ARHGAP24: variants seen among roughly 807,000 people sequenced by gnomAD.
ARHGAP24 encodes the protein Rho GTPase activating protein 24, also known as rho GTPase-activating protein 24.
Under a neutral mutation model 76.4 loss-of-function variants are expected in ARHGAP24, and 50 were observed. The observed-to-expected ratio is 0.65, with a 90% CI of 0.52 to 0.83. The LOEUF (loss-of-function observed/expected upper bound fraction) is 0.83, where lower values mean the gene tolerates loss of function less well. ARHGAP24 is among the 40% of genes least tolerant of loss of function. ARHGAP24 has a pLI of 0.00. For missense variants in ARHGAP24, 930 were observed against 914.2 expected (o/e 1.02, Z -0.22); for synonymous variants, 345 against 323.3 (o/e 1.07, Z -0.72).
chr4:85,807,652 A>C (rs912113642), intron 3 of ARHGAP24, among the ~76,000 whole-genome samples: 1 of 152,142 alleles, frequency 6.6e-6, no homozygotes, highest in African/African-American at 2.4e-5. Context: ...CAAGCCACAT[A>C]CTATCCTGAT....
At chr4:85,648,395 T>A (rs894887400) in intron 2 of ARHGAP24, among the ~76,000 whole-genome samples, 1 of 152,144 alleles carries the variant, frequency 6.6e-6, no homozygotes, top group African/African-American at 2.4e-5. Flanking sequence ...GGCACATCAG[T>A]TACTTAAAAC....
intron 2 of ARHGAP24, among the ~76,000 whole-genome samples, chr4:85,662,993 T>A (rs1461933653): frequency 6.6e-6 from 1 of 151,674 alleles, no homozygotes; most frequent in African/African-American, 2.4e-5. Context: ...ATTGACTTGG[T>A]GATGCGGGCT....
intron 3 of ARHGAP24, among the ~76,000 whole-genome samples, chr4:85,885,193 G>A (rs1435552809): frequency 1.3e-5 from 2 of 151,998 alleles, no homozygotes; most frequent in African/African-American, 4.8e-5. Context: ...CTTCCTTTAT[G>A]TAAAGTTTAA....
In ARHGAP24 at chr4:86,000,753, C is replaced by T. The variant is rs570449016; in HGVS notation, c.*31C>T. Reference sequence around the variant, plus strand: ...CTTTCGCCTGCTGTCTCTGATGGCTCTGGCAAGGACTCCAGGGATTCTGGT... The same window carrying T: ...CTTTCGCCTGCTGTCTCTGATGGCTTTGGCAAGGACTCCAGGGATTCTGGT... On this transcript the variant is annotated 3_prime_UTR_variant, in exon 10 of 10. Transcript: ENST00000395184. The T allele has an allele frequency of 3.1e-6, 5 of 1,612,918 alleles. No homozygotes were observed. The East Asian group carries it at 1.1e-4, about 36-fold the overall frequency.
intron 3 of ARHGAP24, among the ~76,000 whole-genome samples, chr4:85,806,945 C>A (rs1307731280): frequency 6.6e-6 from 1 of 152,022 alleles, no homozygotes; most frequent in Admixed American, 6.6e-5. Flanking sequence ...TAACAAAAGA[C>A]CTATATTATG....
intron 2 of ARHGAP24, among the ~76,000 whole-genome samples, chr4:85,622,800 G>C (rs933975511): frequency 1.3e-5 from 2 of 152,214 alleles, no homozygotes; most frequent in African/African-American, 4.8e-5. Flanking sequence ...TAACTGGTGT[G>C]AGATGATATC....
rs78541052 is a variant in ARHGAP24 at position 85,842,773 on chromosome 4, G to C, written c.269-80875G>C. Among the ~76,000 whole-genome samples the C allele has an allele frequency of 7.3e-3, 1,115 of 152,336 alleles. 11 individuals carry two copies. The highest frequency in any genetic ancestry group is 0.026 in the African/African-American group (1,069 of 41,568). ...TCTGCTTAATGTGGTCTGCCAGCCA[G>C]CTGGCACTAGGGGAAGAGGAAGGGA... is the stretch of plus-strand genomic sequence containing the variant. On this transcript the variant is annotated intron_variant, in intron 3 of 9. Transcript: ENST00000395184.
At chr4:85,740,034 G>A (rs1457316612) in intron 3 of ARHGAP24, among the ~76,000 whole-genome samples, 1 of 152,160 alleles carries the variant, frequency 6.6e-6, no homozygotes, top group African/African-American at 2.4e-5. Context: ...AGATTTTTCA[G>A]ATCGATGGCC....
In ARHGAP24 at chr4:85,934,200, A is replaced by T. The variant is rs535548364; in HGVS notation, c.392-7866A>T. Among the ~76,000 whole-genome samples, 6 of 152,310 alleles carry T rather than the reference A, an allele frequency of 3.9e-5. No individual in the cohort carries two copies. The East Asian group carries it at 9.7e-4, about 25-fold the overall frequency. On this transcript the variant is annotated intron_variant, in intron 4 of 9. Transcript: ENST00000395184. Reference sequence around the variant, plus strand: ...TTTCCACAGCTCAAAGATTTTTATGATCCCCTATTGCTCACAGGAGGAAGT... The same window carrying T: ...TTTCCACAGCTCAAAGATTTTTATGTTCCCCTATTGCTCACAGGAGGAAGT...
chr4:85,904,781 CTGTTTCAGT>C (rs1457026919), intron 3 of ARHGAP24, among the ~76,000 whole-genome samples: 1 of 152,142 alleles, frequency 6.6e-6, no homozygotes, highest in Non-Finnish European at 1.5e-5. Context: ...AACAAATGAT[CTGTTTCAGT>C]TATTTAGGTG....
chr4:85,587,340 AG>A (rs1277614092), intron 2 of ARHGAP24, among the ~76,000 whole-genome samples: 1 of 152,212 alleles, frequency 6.6e-6, no homozygotes, highest in Non-Finnish European at 1.5e-5. Context: ...CCCAGTAGTT[AG>A]AATAGAGATA....
rs1050172779 is a variant in ARHGAP24 at position 85,697,663 on chromosome 4, A to G, written c.181-24222A>G. On this transcript the variant is annotated intron_variant, in intron 2 of 9. Transcript: ENST00000395184. Reference sequence around the variant, plus strand: ...AACATACTAAATGAAATGGAAGTCAATTGGGCTGTTTCTGAGGAAAAAAGT... The same window carrying G: ...AACATACTAAATGAAATGGAAGTCAGTTGGGCTGTTTCTGAGGAAAAAAGT... 5.3e-5 allele frequency among the ~76,000 whole-genome samples: 8 copies of G among 152,316 alleles called. No individual in the cohort carries two copies. In the East Asian group the frequency reaches 1.2e-3, roughly 22 times the overall value.
intron 3 of ARHGAP24, among the ~76,000 whole-genome samples, chr4:85,830,935 A>T (rs890670368): frequency 6.6e-6 from 1 of 152,092 alleles, no homozygotes; most frequent in Non-Finnish European, 1.5e-5. Flanking sequence ...GCCCTGCCTC[A>T]TTTATCTTGA....
intron 2 of ARHGAP24, among the ~76,000 whole-genome samples, chr4:85,621,613 AT>A (rs1003239504): frequency 4.1e-4 from 61 of 150,512 alleles, no homozygotes; most frequent in African/African-American, 1.3e-3. Context: ...TAATGGAGTT[AT>A]TTTTTTTTCT....
chr4:85,746,118 A>G (rs1045449800), intron 3 of ARHGAP24, among the ~76,000 whole-genome samples: 1 of 152,238 alleles, frequency 6.6e-6, no homozygotes, highest in African/African-American at 2.4e-5. Flanking sequence ...TGAACACAGT[A>G]ATATAGATAC....
At position 85,685,548 on chromosome 4, in the gene ARHGAP24, G is replaced by A. The variant is rs181649689; in HGVS notation, c.181-36337G>A. ...CTCAGGAGGCTGAGGCAGGAGAATG[G>A]CGTGAACCCAGGAGGTGGAGTTTGC... On this transcript the variant is annotated intron_variant, in intron 2 of 9. Coordinates refer to ENST00000395184, the MANE Select transcript of ARHGAP24 (RefSeq NM_001025616.3). 1.6e-3 allele frequency among the ~76,000 whole-genome samples: 243 copies of A among 151,846 alleles called. 1 individual carries two copies. The highest frequency in any genetic ancestry group is 5.5e-3 in the African/African-American group (229 of 41,356).
At chr4:85,598,820 GC>G (rs1180572762) in intron 2 of ARHGAP24, among the ~76,000 whole-genome samples, 1 of 149,520 alleles carries the variant, frequency 6.7e-6, no homozygotes, top group Non-Finnish European at 1.5e-5. Context: ...AACTCAAGTT[GC>G]CTAATAGAAG....
At chr4:85,780,759 A>G (rs1982428) in intron 3 of ARHGAP24, among the ~76,000 whole-genome samples, 97,854 of 151,596 alleles carry the variant, frequency 0.65, 32,657 homozygotes, top group East Asian at 0.88. Flanking sequence ...ACATAGACAC[A>G]GTGACATCTA....
chr4:85,743,760 C>T (rs78746855), intron 3 of ARHGAP24, among the ~76,000 whole-genome samples: 1 of 152,084 alleles, frequency 6.6e-6, no homozygotes, highest in East Asian at 1.9e-4. Context: ...GTTATCCTGG[C>T]TCCCTCATTC....
Sources: gnomAD v4.1 joint callset for allele counts (sites outside exome capture counted in the v4.1 genomes callset) on GRCh38, gnomAD v4.1.1 for gene constraint, MANE v1.5 for transcripts, NCBI Gene and HGNC (gene_info 2026-07-23, HGNC 2026-07-21) for gene names.